The following DOK5 variants were observed in gnomAD, a reference collection of about 807,000 sequenced individuals.
DOK5 encodes downstream of tyrosine kinase 5.
In DOK5, 27 loss-of-function variants were observed where a neutral mutation model predicts 43.3. That is an observed-to-expected ratio of 0.62 (90% CI 0.46 to 0.86). The LOEUF is 0.86. Among genes scored for constraint, DOK5 ranks in the 40% least tolerant of loss-of-function variants. The pLI, the probability that DOK5 is intolerant of heterozygous loss-of-function variation, is 0.00. For missense variants in DOK5, 373 were observed against 392.9 expected, an observed-to-expected ratio of 0.95 and a Z score of 0.43; for synonymous variants, 146 against 140.1, an observed-to-expected ratio of 1.04 and a Z score of -0.30.
intron 1 of DOK5, among the ~76,000 whole-genome samples, chr20:54,502,229 A>G (rs1982635956): frequency 6.6e-6 from 1 of 152,240 alleles, no homozygotes; most frequent in Non-Finnish European, 1.5e-5. Context: ...TAATGCATTT[A>G]CATTCATTTG....
chr20:54,647,571 T>C (rs1220901571), intron 7 of DOK5, among the ~76,000 whole-genome samples: 1 of 152,226 alleles, frequency 6.6e-6, no homozygotes, highest in East Asian at 1.9e-4. Context: ...CAAGTTTATG[T>C]TGAATACTAT....
At chr20:54,602,978 G>A (rs1024828909) in intron 5 of DOK5, among the ~76,000 whole-genome samples, 9 of 152,162 alleles carry the variant, frequency 5.9e-5, no homozygotes, top group African/African-American at 2.2e-4. Context: ...GACTTTTAAT[G>A]TATTTTTTAA....
At chr20:54,644,849 C>A in intron 7 of DOK5, among the ~76,000 whole-genome samples, 1 of 145,458 alleles carries the variant, frequency 6.9e-6, no homozygotes, top group Admixed American at 7.0e-5. Flanking sequence ...GCCTGGGCAA[C>A]AAGAGCAAAA....
chr20:54,650,069 T>C (rs997798220), intron 7 of DOK5, among the ~76,000 whole-genome samples: 2 of 152,254 alleles, frequency 1.3e-5, no homozygotes, highest in African/African-American at 4.8e-5. Flanking sequence ...GACTGCCTTA[T>C]TGCTGCTCAG....
chr20:54,571,724 C>G (rs1189956757), intron 2 of DOK5, among the ~76,000 whole-genome samples: 1 of 152,158 alleles, frequency 6.6e-6, no homozygotes, highest in South Asian at 2.1e-4. Flanking sequence ...CATTTGCCTG[C>G]TTAAGCCTTT....
At chr20:54,529,459 T>C (rs1300114842) in intron 1 of DOK5, among the ~76,000 whole-genome samples, 1 of 152,136 alleles carries the variant, frequency 6.6e-6, no homozygotes, top group East Asian at 1.9e-4. Context: ...ATGAGGATGA[T>C]TTTATTGTTG....
At chr20:54,623,635 A>G (rs930033687) in intron 6 of DOK5, among the ~76,000 whole-genome samples, 12 of 152,020 alleles carry the variant, frequency 7.9e-5, no homozygotes, top group African/African-American at 2.9e-4. Context: ...GCTGGAGTAC[A>G]GTGGTGCAAT....
chr20:54,554,870 A>C, intron 1 of DOK5, 63 bp from the exon 2 acceptor site: 3 of 1,034,930 alleles, frequency 2.9e-6, no homozygotes, highest in Non-Finnish European at 3.0e-6. Flanking sequence ...TCAAAAAGAA[A>C]ACATTTAAAT....
At chr20:54,481,710 A>G (rs1981726633) in intron 1 of DOK5, among the ~76,000 whole-genome samples, 1 of 152,222 alleles carries the variant, frequency 6.6e-6, no homozygotes, top group Non-Finnish European at 1.5e-5. Context: ...GGAATAAATT[A>G]ATGACCCCAT....
At position 54,475,923 on chromosome 20, in the gene DOK5, A is replaced by AG. The variant is rs71196453; in HGVS notation, c.-17dup. ...ACTTCGGGTGCGCGCTCTTGGGTAA[A>AG]GGGGGGGTCACCGGCTGTCTGGGAT... On this transcript the variant is annotated 5_prime_UTR_variant, in exon 1 of 8. Transcript: ENST00000262593. This position sits in a 1 kb window ranked among gnomAD's most constrained non-coding sequence, Gnocchi z 4.2. 155,914 of 1,612,050 alleles carry AG rather than the reference A, an allele frequency of 0.097. 8,294 individuals are homozygous for AG. Among genetic ancestry groups the AG allele is most frequent in the African/African-American group, 0.17 (12,966 of 74,924 alleles).
intron 1 of DOK5, among the ~76,000 whole-genome samples, chr20:54,511,397 A>G (rs1327373290): frequency 2.0e-5 from 3 of 152,360 alleles, no homozygotes; most frequent in East Asian, 3.9e-4. Flanking sequence ...CTCATAAAAC[A>G]GATATTTTCT....
At chr20:54,625,665 A>T (rs75786573) in intron 6 of DOK5, among the ~76,000 whole-genome samples, 2 of 152,296 alleles carry the variant, frequency 1.3e-5, no homozygotes, top group Non-Finnish European at 2.9e-5. Flanking sequence ...AGTGTGGATT[A>T]TATTAGTTCA....
chr20:54,549,677 A>T, intron 1 of DOK5, among the ~76,000 whole-genome samples: 1 of 152,196 alleles, frequency 6.6e-6, no homozygotes, highest in East Asian at 1.9e-4. Context: ...AAATGAACAC[A>T]TTTTAAAAAA....
chr20:54,504,125 TC>T (rs938264497), intron 1 of DOK5, among the ~76,000 whole-genome samples: 4 of 152,116 alleles, frequency 2.6e-5, no homozygotes, highest in African/African-American at 9.7e-5. Context: ...ACCTTCACCT[TC>T]CCACATCCTA....
At position 54,588,709 on chromosome 20, in the gene DOK5, C is replaced by T. The variant is rs763208647; in HGVS notation, c.312C>T (p.Cys104=). ...CESDLEADEW[C]KVLQMECVGT... ...CAGATCTTGAGGCTGATGAGTGGTG[C>T]AAAGTACTCCAGATGGAGTGTGTAG... is the stretch of plus-strand genomic sequence containing the variant. The change falls in exon 4 of 8, where the codon TGC becomes TGT. Residue 104 remains cysteine, a synonymous_variant. Transcript: ENST00000262593. 9 of 1,614,060 alleles carry T rather than the reference C, an allele frequency of 5.6e-6. No homozygotes were observed. The highest frequency in any genetic ancestry group is 7.6e-6 in the Non-Finnish European group (9 of 1,179,990).
chr20:54,541,756 A>G (rs2426536), intron 1 of DOK5, among the ~76,000 whole-genome samples: 36,618 of 151,980 alleles, frequency 0.24, 7,294 homozygotes, highest in African/African-American at 0.56. Flanking sequence ...ACTTTAGTGA[A>G]ACCCATAAGG....
At chr20:54,537,904 T>C (rs1984013582) in intron 1 of DOK5, among the ~76,000 whole-genome samples, 1 of 136,536 alleles carries the variant, frequency 7.3e-6, no homozygotes. Flanking sequence ...AGTGGCACAA[T>C]CTCAGCTTAC....
rs538261961 is a variant in DOK5, at chr20:54,513,490, C to T, written c.66+37478C>T. Among the ~76,000 whole-genome samples the T allele has an allele frequency of 6.2e-3, 856 of 138,980 alleles. 5 individuals are homozygous for T. The highest frequency in any genetic ancestry group is 9.4e-3 in the Non-Finnish European group (618 of 65,450). 91.2% of individuals were successfully genotyped at this position (138,980 alleles called of 152,430 possible). On this transcript the variant is annotated intron_variant, in intron 1 of 7. Coordinates refer to ENST00000262593, the MANE Select transcript of DOK5 (RefSeq NM_018431.5). Reference sequence around the variant, plus strand: ...AAAAAAAAAAAAAAAAAAAAAAAACCCAACATCCATTTGTAGGCCACCATT... The same window carrying T: ...AAAAAAAAAAAAAAAAAAAAAAAACTCAACATCCATTTGTAGGCCACCATT...
chr20:54,636,472 G>A (rs1978827984), intron 6 of DOK5, among the ~76,000 whole-genome samples: 1 of 152,148 alleles, frequency 6.6e-6, no homozygotes, highest in South Asian at 2.1e-4. Flanking sequence ...TGGCTGTTCA[G>A]ATTTTTGCAT....
Sources: allele counts gnomAD v4.1 joint callset (sites outside exome capture counted in the v4.1 genomes callset), GRCh38; gene constraint gnomAD v4.1.1; non-coding constraint Gnocchi (gnomAD v3.1); transcripts MANE v1.5; gene names NCBI Gene and HGNC (gene_info 2026-07-23, HGNC 2026-07-21).